SORCS3: variants seen among roughly 807,000 people sequenced by gnomAD.
SORCS3 encodes VPS10 domain-containing receptor SorCS3.
In SORCS3, 57 loss-of-function variants were observed where a neutral mutation model predicts 146.3. The observed-to-expected ratio is 0.39, with a 90% CI of 0.31 to 0.49. The LOEUF is 0.49. Ranked by LOEUF, SORCS3 falls within the 20% of genes least tolerant of loss-of-function variation. SORCS3 has a pLI of 0.92. For synonymous variants in SORCS3, 653 were observed against 618.5 expected, an observed-to-expected ratio of 1.06 and a Z score of -0.83; for missense variants, 1,341 against 1,575.5, an observed-to-expected ratio of 0.85 and a Z score of 2.52.
chr10:104,964,134 T>C (rs1220854939), intron 3 of SORCS3, among the ~76,000 whole-genome samples: 1 of 152,126 alleles, frequency 6.6e-6, no homozygotes, highest in Admixed American at 6.6e-5. Context: ...AGTGAGAGGA[T>C]TAAAAAACAA....
chr10:105,132,336 G>A (rs2056025633), intron 7 of SORCS3, among the ~76,000 whole-genome samples: 1 of 151,880 alleles, frequency 6.6e-6, no homozygotes, highest in Non-Finnish European at 1.5e-5. Flanking sequence ...TTATTGTTGT[G>A]GATATTAAAT....
intron 1 of SORCS3, among the ~76,000 whole-genome samples, chr10:104,742,572 T>G (rs2016860931): frequency 6.6e-6 from 1 of 152,226 alleles, no homozygotes; most frequent in Non-Finnish European, 1.5e-5. Flanking sequence ...CTCAGTTTGA[T>G]GCAGGCCCAA....
At chr10:105,008,387 C>G (rs1047047763) in intron 4 of SORCS3, among the ~76,000 whole-genome samples, 1 of 152,192 alleles carries the variant, frequency 6.6e-6, no homozygotes, top group African/African-American at 2.4e-5. Flanking sequence ...TTAACAGCCT[C>G]TGACCAAGGA....
chr10:105,082,789 G>T (rs2055634000), intron 5 of SORCS3, among the ~76,000 whole-genome samples: 1 of 152,230 alleles, frequency 6.6e-6, no homozygotes, highest in South Asian at 2.1e-4. Flanking sequence ...GGAGTGCAAT[G>T]GTGCGATCTT....
At chr10:105,201,475 C>A (rs532291058) in intron 16 of SORCS3, among the ~76,000 whole-genome samples, 1 of 152,266 alleles carries the variant, frequency 6.6e-6, no homozygotes, top group African/African-American at 2.4e-5. Flanking sequence ...AGTCACTGAT[C>A]TATCAGAGCA....
intron 3 of SORCS3, among the ~76,000 whole-genome samples, chr10:104,938,143 A>G (rs2019278417): frequency 6.6e-6 from 1 of 152,066 alleles, no homozygotes; most frequent in South Asian, 2.1e-4. Flanking sequence ...TAAATTTTTG[A>G]CTGGGAAAGA....
At chr10:104,928,054 C>G (rs534948069) in intron 3 of SORCS3, among the ~76,000 whole-genome samples, 4 of 152,212 alleles carry the variant, frequency 2.6e-5, no homozygotes, top group African/African-American at 9.6e-5. Context: ...AAAGGGCAAT[C>G]TGATAAGGTA....
chr10:104,788,594 T>C (rs1458459042), intron 1 of SORCS3, among the ~76,000 whole-genome samples: 1 of 152,198 alleles, frequency 6.6e-6, no homozygotes, highest in African/African-American at 2.4e-5. Context: ...AAGCTTTTCA[T>C]AGAAAACCCT....
At chr10:104,963,306 C>T (rs779771710) in intron 3 of SORCS3, among the ~76,000 whole-genome samples, 13 of 152,182 alleles carry the variant, frequency 8.5e-5, no homozygotes, top group Non-Finnish European at 1.5e-4. Context: ...CTGCCTAGCT[C>T]ACTCCACTGG....
chr10:105,007,807 C>A (rs186926987), intron 4 of SORCS3, among the ~76,000 whole-genome samples: 71 of 152,222 alleles, frequency 4.7e-4, no homozygotes, highest in Non-Finnish European at 9.0e-4. Context: ...TGATGAGTAA[C>A]CCATGGCCTG....
chr10:104,799,350 A>AGCC (rs1192620032), intron 1 of SORCS3, among the ~76,000 whole-genome samples: 2 of 152,244 alleles, frequency 1.3e-5, no homozygotes, highest in South Asian at 2.1e-4. Context: ...TACACCATGG[A>AGCC]ATACTATGCA....
intron 14 of SORCS3, among the ~76,000 whole-genome samples, chr10:105,194,949 T>A (rs1391232562): frequency 6.6e-6 from 1 of 152,210 alleles, no homozygotes; most frequent in Non-Finnish European, 1.5e-5. Flanking sequence ...TAGGTGATTC[T>A]GATGTAGACA....
chr10:105,068,408 G>A (rs1197271712), intron 5 of SORCS3, among the ~76,000 whole-genome samples: 3 of 152,090 alleles, frequency 2.0e-5, no homozygotes, highest in African/African-American at 7.2e-5. Context: ...TTCCCTAGAT[G>A]CATCTGCTTT....
chr10:104,688,435 G>C (rs1325182057), intron 1 of SORCS3, among the ~76,000 whole-genome samples: 1 of 140,900 alleles, frequency 7.1e-6, no homozygotes, highest in Non-Finnish European at 1.5e-5. Context: ...TTGTGAATCA[G>C]AGCACGTTGA....
At chr10:104,941,705 A>G (rs1285609754) in intron 3 of SORCS3, among the ~76,000 whole-genome samples, 4 of 152,196 alleles carry the variant, frequency 2.6e-5, no homozygotes, top group African/African-American at 9.7e-5. Context: ...AACTTGGACA[A>G]CCTGGCTTAA....
intron 3 of SORCS3, among the ~76,000 whole-genome samples, chr10:104,967,806 A>T (rs868358980): frequency 7.2e-4 from 108 of 150,072 alleles, no homozygotes; most frequent in African/African-American, 2.5e-3. Context: ...CCATAAGTGC[A>T]CGCCACCACA....
intron 5 of SORCS3, among the ~76,000 whole-genome samples, chr10:105,072,829 A>G (rs552741544): frequency 1.2e-4 from 18 of 152,176 alleles, no homozygotes; most frequent in Middle Eastern, 3.4e-3. Flanking sequence ...AATAATTGGG[A>G]TCAAGGACTG....
chr10:104,795,633 A>G (rs1050622800), intron 1 of SORCS3, among the ~76,000 whole-genome samples: 3 of 152,246 alleles, frequency 2.0e-5, no homozygotes, highest in African/African-American at 7.2e-5. Context: ...TTGTCACTAA[A>G]TCCGGTATTT....
intron 4 of SORCS3, among the ~76,000 whole-genome samples, chr10:104,995,222 T>G (rs1403425520): frequency 6.6e-6 from 1 of 150,664 alleles, no homozygotes; most frequent in African/African-American, 2.5e-5. Context: ...TACAGTGGCA[T>G]GATCTCAGCT....
Sources: gnomAD v4.1 joint callset for allele counts (sites outside exome capture counted in the v4.1 genomes callset) on GRCh38, gnomAD v4.1.1 for gene constraint, MANE v1.5 for transcripts, NCBI Gene and HGNC (gene_info 2026-07-23, HGNC 2026-07-21) for gene names.